Variants in NEK5 observed in about 807,000 individuals in gnomAD.
NEK5 encodes the protein serine/threonine-protein kinase Nek5.
A neutral mutation model predicts 109.2 loss-of-function variants in NEK5; 88 were observed. The observed-to-expected ratio is 0.81, with a 90% CI of 0.68 to 0.96. The LOEUF is 0.96. Ranked by LOEUF, NEK5 falls within the 40% of genes least tolerant of loss-of-function variation. The pLI, the probability that NEK5 is intolerant of heterozygous loss-of-function variation, is 0.00. For missense variants in NEK5, 834 were observed against 920.7 expected, an observed-to-expected ratio of 0.91 and a Z score of 1.22; for synonymous variants, 283 against 299.9, an observed-to-expected ratio of 0.94 and a Z score of 0.58.
At chr13:52,082,962 C>T (rs1955044202) in intron 17 of NEK5, among the ~76,000 whole-genome samples, 1 of 152,148 alleles carries the variant, frequency 6.6e-6, no homozygotes, top group African/African-American at 2.4e-5. Context: ...TCCTGGCCAA[C>T]ATGGTGAAAT....
intron 22 of NEK5, among the ~76,000 whole-genome samples, chr13:52,056,083 A>C (rs574767158): frequency 2.0e-5 from 3 of 152,200 alleles, no homozygotes; most frequent in African/African-American, 7.2e-5. Flanking sequence ...CATACGCTCA[A>C]AATAAAAGGA....
intron 3 of NEK5, among the ~76,000 whole-genome samples, chr13:52,119,863 C>T (rs1408667581): frequency 3.3e-5 from 5 of 152,162 alleles, no homozygotes; most frequent in Non-Finnish European, 7.4e-5. Flanking sequence ...ATTAAGATGA[C>T]TACATTTTTC....
At chr13:52,085,497 G>T (rs1382022021) in intron 16 of NEK5, among the ~76,000 whole-genome samples, 1 of 152,140 alleles carries the variant, frequency 6.6e-6, no homozygotes, top group African/African-American at 2.4e-5. Flanking sequence ...ACTGCGGTGG[G>T]AGAAAGAGAG....
At chr13:52,061,167 G>A (rs1186211423) in intron 22 of NEK5, among the ~76,000 whole-genome samples, 1 of 152,188 alleles carries the variant, frequency 6.6e-6, no homozygotes, top group Non-Finnish European at 1.5e-5. Context: ...CAGATCATCA[G>A]GCATTAGATT....
intron 16 of NEK5, among the ~76,000 whole-genome samples, chr13:52,083,811 CA>C (rs1955063437): frequency 6.6e-6 from 1 of 152,142 alleles, no homozygotes; most frequent in Non-Finnish European, 1.5e-5. Context: ...GCTGGGATTA[CA>C]GGCGTGAGCT....
In NEK5 at chr13:52,127,442, G is replaced by A. The variant is rs1566839157; in HGVS notation, c.41C>T (p.Ala14Val). ...TTTAGCTAAGTATGCTTTCCCGAAG[G>A]CACCTTGCCCGATGGCCTTAATCAC... ...YDVIKAIGQGAFGKAYLAKGK... is the reference protein window; with the variant it reads ...YDVIKAIGQGVFGKAYLAKGK... The change falls in exon 3 of 24, where the codon GCC becomes GTC. Residue 14 changes from alanine to valine, a missense_variant. Physicochemically the swap from Ala to Val is moderately conservative, Grantham distance 64 (BLOSUM62 0). This residue lies in a region of NEK5 where 777 missense variants were observed against 824.7 expected (regional missense o/e 0.94). Transcript: ENST00000684899. The A allele has an allele frequency of 1.2e-6, 2 of 1,612,798 alleles. No individual in the cohort carries two copies. The highest frequency in any genetic ancestry group is 1.7e-6 in the Non-Finnish European group (2 of 1,178,820).
intron 4 of NEK5, among the ~76,000 whole-genome samples, chr13:52,114,357 AT>A (rs914119782): frequency 6.6e-6 from 1 of 152,184 alleles, no homozygotes; most frequent in Non-Finnish European, 1.5e-5. Context: ...CCAAATATCT[AT>A]CTTTTGCTAT....
chr13:52,040,338 G>A (rs1008353324), intron 23 of NEK5, among the ~76,000 whole-genome samples: 2 of 152,038 alleles, frequency 1.3e-5, no homozygotes, highest in Non-Finnish European at 2.9e-5. Context: ...GCCCACCTCA[G>A]CCTCCCAAAG....
chr13:52,057,438 A>C (rs998941307), intron 22 of NEK5, among the ~76,000 whole-genome samples: 12 of 151,910 alleles, frequency 7.9e-5, no homozygotes, highest in Admixed American at 7.2e-4. Context: ...ATCCTCCCTA[A>C]CTCATTTTAT....
At chr13:52,071,704 T>C (rs1352857754) in intron 20 of NEK5, among the ~76,000 whole-genome samples, 3 of 152,124 alleles carry the variant, frequency 2.0e-5, no homozygotes, top group African/African-American at 4.8e-5. Context: ...CTGGAGCTCC[T>C]GGGAGAAGCC....
chr13:52,115,500 G>A (rs1412029890), intron 4 of NEK5, among the ~76,000 whole-genome samples: 1 of 150,208 alleles, frequency 6.7e-6, no homozygotes, highest in Non-Finnish European at 1.5e-5. Flanking sequence ...AGCTACTCAG[G>A]AGGCTGAGGC....
chr13:52,068,503 A>G (rs149827696), intron 20 of NEK5, among the ~76,000 whole-genome samples: 1 of 151,916 alleles, frequency 6.6e-6, no homozygotes, highest in African/African-American at 2.4e-5. Context: ...ACACTCATAT[A>G]TATTTGCTGT....
chr13:52,102,062 C>T, intron 10 of NEK5, 30 bp downstream of exon 10: 2 of 1,612,240 alleles, frequency 1.2e-6, no homozygotes, highest in Non-Finnish European at 1.7e-6. Context: ...AAATCTCTGC[C>T]AAAATCCAAA....
At chr13:52,083,234 A>G (rs775979227) in intron 17 of NEK5, 26 bp downstream of exon 17, 65 of 1,487,072 alleles carry the variant, frequency 4.4e-5, no homozygotes, top group Non-Finnish European at 5.4e-5. Flanking sequence ...CTGCAAGCAC[A>G]CACATCTGAT....
chr13:52,123,587 T>C (rs897222933), intron 3 of NEK5, among the ~76,000 whole-genome samples: 5 of 152,202 alleles, frequency 3.3e-5, no homozygotes, highest in Non-Finnish European at 7.3e-5. Context: ...TAAGAAGTTA[T>C]TGAATATCTC....
At chr13:52,117,253 C>T (rs542647932) in intron 4 of NEK5, among the ~76,000 whole-genome samples, 16 of 152,220 alleles carry the variant, frequency 1.1e-4, no homozygotes, top group African/African-American at 3.4e-4. Context: ...AACATTAGAG[C>T]CATGGTTCTT....
At chr13:52,062,484 G>A (rs1566738359) in intron 21 of NEK5, among the ~76,000 whole-genome samples, 1 of 150,958 alleles carries the variant, frequency 6.6e-6, no homozygotes, top group Non-Finnish European at 1.5e-5. Flanking sequence ...GTAGTGTCAC[G>A]ATCTTGGCTC....
At chr13:52,083,772 G>A (rs753280532) in intron 16 of NEK5, among the ~76,000 whole-genome samples, 5 of 152,152 alleles carry the variant, frequency 3.3e-5, no homozygotes, top group Non-Finnish European at 7.3e-5. Flanking sequence ...TCCCGACCTC[G>A]TGATCCGCCC....
intron 3 of NEK5, among the ~76,000 whole-genome samples, chr13:52,121,200 C>A (rs1671445487): frequency 1.3e-5 from 2 of 150,966 alleles, no homozygotes; most frequent in African/African-American, 4.9e-5. Flanking sequence ...GCTCTATCAC[C>A]CAGGCTGGAG....
Sources: allele counts gnomAD v4.1 joint callset (sites outside exome capture counted in the v4.1 genomes callset), GRCh38; gene constraint gnomAD v4.1.1; regional missense constraint gnomAD v4.1.1; transcripts MANE v1.5; gene names NCBI Gene and HGNC (gene_info 2026-07-23, HGNC 2026-07-21).